NEDD9: variants seen among roughly 807,000 people sequenced by gnomAD.
The protein encoded by NEDD9 is enhancer of filamentation 1.
Under a neutral mutation model 76.6 loss-of-function variants are expected in NEDD9, and 26 were observed. That is an observed-to-expected ratio of 0.34 (90% CI 0.25 to 0.47). The LOEUF is 0.47. Among genes scored for constraint, NEDD9 ranks in the 20% least tolerant of loss-of-function variants. The pLI is 1.00. For missense variants in NEDD9, 937 were observed against 1,058.5 expected, an observed-to-expected ratio of 0.89 and a Z score of 1.59; for synonymous variants, 392 against 414.2, an observed-to-expected ratio of 0.95 and a Z score of 0.65.
chr6:11,291,267 GTTTTT>G (rs869185428), intron 3 of NEDD9, among the ~76,000 whole-genome samples: 5 of 95,830 alleles, frequency 5.2e-5, no homozygotes, highest in South Asian at 3.5e-4. Flanking sequence ...ATAGAATGAG[GTTTTT>G]TTTTTTTTTT....
At chr6:11,313,934 G>A (rs1761462133) in intron 2 of NEDD9, among the ~76,000 whole-genome samples, 1 of 152,106 alleles carries the variant, frequency 6.6e-6, no homozygotes, top group South Asian at 2.1e-4. Context: ...ATTATAGGGA[G>A]GTTTTACAAG....
intron 3 of NEDD9, among the ~76,000 whole-genome samples, chr6:11,270,462 T>C (rs952929235): frequency 6.6e-6 from 1 of 151,136 alleles, no homozygotes; most frequent in Non-Finnish European, 1.5e-5. Context: ...CCAGGAATAA[T>C]AGCAACACTT....
At chr6:11,307,337 AG>A in intron 2 of NEDD9, among the ~76,000 whole-genome samples, 1 of 152,218 alleles carries the variant, frequency 6.6e-6, no homozygotes, top group South Asian at 2.1e-4. Context: ...CTTGGCTAAG[AG>A]GGGGGAAAAA....
chr6:11,318,679 C>A (rs1034922279), intron 2 of NEDD9, among the ~76,000 whole-genome samples: 2 of 150,052 alleles, frequency 1.3e-5, no homozygotes, highest in African/African-American at 2.5e-5. Flanking sequence ...GCCATTTTGT[C>A]TTTAAGTTAA....
At chr6:11,372,107 C>A (rs1177597819) in intron 1 of NEDD9, among the ~76,000 whole-genome samples, 2 of 152,086 alleles carry the variant, frequency 1.3e-5, no homozygotes, top group Non-Finnish European at 2.9e-5. Flanking sequence ...TACTCATTAT[C>A]TATCTCCCCT....
chr6:11,361,894 C>G (rs1030391452), intron 1 of NEDD9, among the ~76,000 whole-genome samples: 1 of 152,026 alleles, frequency 6.6e-6, no homozygotes, highest in Non-Finnish European at 1.5e-5. Context: ...GTGAGCTGAG[C>G]CTGGCATATG....
At chr6:11,374,677 A>C (rs1436048562) in intron 1 of NEDD9, among the ~76,000 whole-genome samples, 1 of 152,238 alleles carries the variant, frequency 6.6e-6, no homozygotes, top group Non-Finnish European at 1.5e-5. Context: ...ATAGATGAGC[A>C]CTATATGAAA....
intron 1 of NEDD9, chr6:11,214,200 A>G (rs1368208252): frequency 1.9e-6 from 1 of 518,744 alleles, no homozygotes; most frequent in Non-Finnish European, 3.8e-6. Flanking sequence ...AATAGCATTT[A>G]TATTTGGAGT....
At chr6:11,312,263 A>G (rs1316077618) in intron 2 of NEDD9, among the ~76,000 whole-genome samples, 1 of 152,024 alleles carries the variant, frequency 6.6e-6, no homozygotes, top group East Asian at 1.9e-4. Context: ...GTCTCCTCTC[A>G]GTGAATGGCA....
intron 1 of NEDD9, among the ~76,000 whole-genome samples, chr6:11,232,298 G>C (rs1759494615): frequency 6.6e-6 from 1 of 152,138 alleles, no homozygotes; most frequent in African/African-American, 2.4e-5. Flanking sequence ...GATGGACTCG[G>C]GTGTACTGTG....
intron 2 of NEDD9, among the ~76,000 whole-genome samples, chr6:11,327,742 G>T (rs951319770): frequency 6.6e-6 from 1 of 152,248 alleles, no homozygotes; most frequent in African/African-American, 2.4e-5. Flanking sequence ...GATGTTAGAT[G>T]GGGAGGCAAT....
intron 3 of NEDD9, among the ~76,000 whole-genome samples, chr6:11,304,777 T>G (rs1184978928): frequency 6.6e-6 from 1 of 152,036 alleles, no homozygotes; most frequent in Non-Finnish European, 1.5e-5. Flanking sequence ...GGACACAGGG[T>G]GGGGAACCTC....
intron 1 of NEDD9, among the ~76,000 whole-genome samples, chr6:11,337,861 G>T (rs1205941177): frequency 6.6e-6 from 1 of 152,176 alleles, no homozygotes; most frequent in Non-Finnish European, 1.5e-5. Context: ...TTCCTCAGAG[G>T]ATGGTAGTGC....
intron 1 of NEDD9, among the ~76,000 whole-genome samples, chr6:11,364,812 A>T (rs1762734680): frequency 6.6e-6 from 1 of 152,174 alleles, no homozygotes; most frequent in Admixed American, 6.5e-5. Context: ...AGGCTGAAAT[A>T]TCTTTGAAGA....
At chr6:11,227,845 T>C (rs1759349002) in intron 1 of NEDD9, among the ~76,000 whole-genome samples, 1 of 152,148 alleles carries the variant, frequency 6.6e-6, no homozygotes, top group Admixed American at 6.5e-5. Context: ...GATTATAGGA[T>C]GGTCCAGGAG....
At chr6:11,337,677 C>T (rs1762190695) in intron 1 of NEDD9, among the ~76,000 whole-genome samples, 1 of 152,216 alleles carries the variant, frequency 6.6e-6, no homozygotes, top group Non-Finnish European at 1.5e-5. Context: ...AACTCCGTCC[C>T]TGGCTCTCAG....
intron 4 of NEDD9, 23 bp downstream of exon 4, chr6:11,192,322 C>A (rs372628042): frequency 7.4e-7 from 1 of 1,352,182 alleles, no homozygotes; most frequent in African/African-American, 1.7e-5. Context: ...CTCCTTTTTG[C>A]TGCTTTGTAG....
intron 6 of NEDD9, among the ~76,000 whole-genome samples, chr6:11,185,945 C>T (rs1161053019): frequency 6.6e-6 from 1 of 152,208 alleles, no homozygotes; most frequent in Non-Finnish European, 1.5e-5. Context: ...AACCGCAGCC[C>T]TGTTACCTAC....
chr6:11,334,776 A>G (rs141960831), intron 1 of NEDD9, among the ~76,000 whole-genome samples: 283 of 152,332 alleles, frequency 1.9e-3, no homozygotes, highest in African/African-American at 6.5e-3. Context: ...CAAAAAGCAA[A>G]TTCAAGCAAT....
Sources: gnomAD v4.1 joint callset for allele counts (sites outside exome capture counted in the v4.1 genomes callset) on GRCh38, gnomAD v4.1.1 for gene constraint, MANE v1.5 for transcripts, NCBI Gene and HGNC (gene_info 2026-07-23, HGNC 2026-07-21) for gene names.